The following PHF11 variants were observed in gnomAD, a reference collection of about 807,000 sequenced individuals.
PHF11 encodes BRCA1 C-terminus-associated protein.
PHF11 carries 38 observed loss-of-function variants against 40.5 expected under a neutral mutation model. The observed-to-expected ratio is 0.94, with a 90% CI of 0.72 to 1.23. PHF11 has a LOEUF of 1.23. Ranked by LOEUF, PHF11 falls within the 50% of genes most tolerant of loss-of-function variation. The probability of loss-of-function intolerance (pLI) is 0.00; values close to 1 mark genes in which losing one functional copy is unlikely to be tolerated. For synonymous variants in PHF11, 127 were observed against 138.2 expected (o/e 0.92, Z 0.57); for missense variants, 369 against 392.4 (o/e 0.94, Z 0.50).
intron 2 of PHF11, among the ~76,000 whole-genome samples, chr13:49,509,447 G>A (rs920163022): frequency 1.3e-5 from 2 of 152,126 alleles, no homozygotes; most frequent in Non-Finnish European, 2.9e-5. Flanking sequence ...TCTTGACCTC[G>A]TGATCCACCC....
At chr13:49,498,521 C>T (rs1339702352) in intron 1 of PHF11, among the ~76,000 whole-genome samples, 5 of 150,286 alleles carry the variant, frequency 3.3e-5, no homozygotes, top group South Asian at 2.1e-4. Flanking sequence ...AGTACATTTC[C>T]GTTAGATCAT....
At chr13:49,505,143 A>G (rs897437452) in intron 1 of PHF11, among the ~76,000 whole-genome samples, 1 of 147,890 alleles carries the variant, frequency 6.8e-6, no homozygotes, top group Non-Finnish European at 1.5e-5. Flanking sequence ...AATAAATAAA[A>G]ATGAAAAAAA....
chr13:49,520,964 G>A, intron 5 of PHF11, 24 bp downstream of exon 5: 3 of 1,552,446 alleles, frequency 1.9e-6, no homozygotes, highest in Non-Finnish European at 2.6e-6. Context: ...ATTTAGCACT[G>A]TGGGTTTTAA....
intron 3 of PHF11, among the ~76,000 whole-genome samples, chr13:49,514,264 C>G (rs1959118942): frequency 1.3e-5 from 2 of 152,220 alleles, no homozygotes; most frequent in Non-Finnish European, 2.9e-5. Flanking sequence ...TCAGCATCAG[C>G]AGCATCCTGT....
intron 2 of PHF11, among the ~76,000 whole-genome samples, chr13:49,507,572 C>T (rs1358141619): frequency 6.6e-6 from 1 of 152,166 alleles, no homozygotes; most frequent in Non-Finnish European, 1.5e-5. Flanking sequence ...ACTAAATACA[C>T]CAAATTGTTC....
intron 1 of PHF11, among the ~76,000 whole-genome samples, chr13:49,500,090 C>T (rs1460731917): frequency 6.6e-6 from 1 of 152,178 alleles, no homozygotes; most frequent in East Asian, 1.9e-4. Context: ...TTGAATTAGT[C>T]ATAGTTCTTA....
At chr13:49,523,911 CA>C (rs1028841186) in intron 7 of PHF11, 173 bp from the exon 8 acceptor site, 107 of 393,066 alleles carry the variant, frequency 2.7e-4, no homozygotes, top group East Asian at 4.9e-4. Context: ...TTCAGCTGGC[CA>C]AAAAAAATGA....
chr13:49,506,233 TA>T (rs546735570), intron 1 of PHF11, among the ~76,000 whole-genome samples: 1,963 of 120,540 alleles, frequency 0.016, 10 homozygotes, highest in Non-Finnish European at 0.017. Context: ...CCCCGGTCTC[TA>T]AAAAAAAAAA....
At position 49,496,029 on chromosome 13, in the gene PHF11, G is replaced by C. The variant is rs987553181; in HGVS notation, c.28G>C (p.Glu10Gln). The change falls in exon 1 of 10, where the codon GAG becomes CAG. Residue 10 changes from glutamate (E) to glutamine (Q), a missense_variant. Physicochemically the swap from Glu to Gln is conservative, Grantham distance 29 (BLOSUM62 2). Transcript: ENST00000378319. ...GGCCCAGGCGTCGCCGCCCCGGCCC[G>C]AGAGGGTGCTCGGCGCCAGCAGCCC... is the stretch of plus-strand genomic sequence containing the variant. The part of the protein sequence containing the change: MAQASPPRP[E>Q]RVLGASSPEA... The C allele has an allele frequency of 1.6e-5, 23 of 1,477,598 alleles. No homozygotes were observed. The African/African-American group carries it at 1.9e-4, about 12-fold the overall frequency. 91.5% of individuals were successfully genotyped at this position (1,477,598 alleles called of 1,614,324 possible).
At chr13:49,516,013 G>A (rs763435419) in intron 3 of PHF11, among the ~76,000 whole-genome samples, 21 of 152,070 alleles carry the variant, frequency 1.4e-4, no homozygotes, top group Non-Finnish European at 2.9e-4. Context: ...CATTCTTGCG[G>A]CCAAGACCCA....
chr13:49,525,809 CTGT>C (rs759879156), intron 8 of PHF11: 65 of 456,352 alleles, frequency 1.4e-4, no homozygotes, highest in Non-Finnish European at 2.7e-4. Flanking sequence ...TGAGAACCAC[CTGT>C]AGGGCTGGTG....
At chr13:49,511,327 CTT>C (rs10627347) in intron 2 of PHF11, among the ~76,000 whole-genome samples, 11 of 125,854 alleles carry the variant, frequency 8.7e-5, no homozygotes, top group African/African-American at 1.2e-4. Context: ...TGTTCAATGG[CTT>C]TTTTTTTTTT....
Position 49,528,602 on chromosome 13 carries a change from C to T in PHF11, c.933C>T (p.Cys311=). 1 of 1,610,870 alleles carries T rather than the reference C, an allele frequency of 6.2e-7. No homozygotes were observed. Among genetic ancestry groups the T allele is most frequent in the Non-Finnish European group, 8.5e-7 (1 of 1,177,242 alleles). Residue 311 remains cysteine, a synonymous_variant, in exon 10 of 10, where the codon TGC becomes TGT. Transcript: ENST00000378319. ...ELLQDLKQTL[C]SFQENRDLMS... Reference sequence around the variant, plus strand: ...TTCAGGACTTAAAACAAACCTTGTGCTCTTTTCAAGAAAATAGAGATCTTA... The same window carrying T: ...TTCAGGACTTAAAACAAACCTTGTGTTCTTTTCAAGAAAATAGAGATCTTA...
chr13:49,528,586 TAAAAC>T lies in PHF11; in HGVS notation c.921_925del (p.Lys307AsnfsTer9), dbSNP rs754280856. The T allele has an allele frequency of 1.2e-5, 19 of 1,612,008 alleles. No individual in the cohort carries two copies. Among genetic ancestry groups the T allele is most frequent in the East Asian group, 4.5e-5 (2 of 44,858 alleles). On this transcript the variant is annotated frameshift_variant, in exon 10 of 10. Transcript: ENST00000378319. LOFTEE classifies it low-confidence loss of function (END_TRUNC). ...GAAGAGATTGAGCTACTTCAGGACT[TAAAAC>T]AAACCTTGTGCTCTTTTCAAGAAAA...
At chr13:49,504,294 TAAC>T (rs1958947692) in intron 1 of PHF11, among the ~76,000 whole-genome samples, 1 of 150,874 alleles carries the variant, frequency 6.6e-6, no homozygotes, top group African/African-American at 2.4e-5. Context: ...AAAAAAAAAA[TAAC>T]AAAAATTAGC....
At chr13:49,496,830 C>CTTTTTTT (rs34505707) in intron 1 of PHF11, among the ~76,000 whole-genome samples, 1,743 of 88,004 alleles carry the variant, frequency 0.02, 59 homozygotes, top group Non-Finnish European at 0.028. Context: ...TGGGCTTACC[C>CTTTTTTT]TTTTTTTTTT....
At chr13:49,521,184 G>A (rs888587629) in intron 5 of PHF11, 45 of 1,148,116 alleles carry the variant, frequency 3.9e-5, no homozygotes, top group Non-Finnish European at 4.0e-5. Flanking sequence ...TTCTCCCTAC[G>A]CTCACAGAAC....
At chr13:49,505,555 C>A (rs1958976248) in intron 1 of PHF11, among the ~76,000 whole-genome samples, 1 of 152,146 alleles carries the variant, frequency 6.6e-6, no homozygotes, top group South Asian at 2.1e-4. Flanking sequence ...TAAATAAAAG[C>A]TGTTTTCTAC....
Position 49,518,002 on chromosome 13 carries a change from A to C in PHF11, c.325-16A>C. On this transcript the variant is annotated splice_polypyrimidine_tract_variant and intron_variant, in intron 3 of 9. Transcript: ENST00000378319. ...AACAAACAGGTACTTACTCAGTAAA[A>C]TCTATTCTTCTGTAGAAATGCAAAT... is the stretch of plus-strand genomic sequence containing the variant. 1 of 1,407,346 alleles carries C rather than the reference A, an allele frequency of 7.1e-7. No individual in the cohort carries two copies. 87.2% of individuals were successfully genotyped at this position (1,407,346 alleles called of 1,614,324 possible).
Sources: allele counts gnomAD v4.1 joint callset (sites outside exome capture counted in the v4.1 genomes callset), GRCh38; gene constraint gnomAD v4.1.1; transcripts MANE v1.5; gene names NCBI Gene and HGNC (gene_info 2026-07-23, HGNC 2026-07-21).